The following TP73 variants were observed in gnomAD, a reference collection of about 807,000 sequenced individuals.
The protein encoded by TP73 is tumor protein p73.
Under a neutral mutation model 62.5 loss-of-function variants are expected in TP73, and 25 were observed. That is an observed-to-expected ratio of 0.40 (90% CI 0.29 to 0.56). TP73 has a LOEUF of 0.56. Ranked by LOEUF, TP73 falls within the 20% of genes least tolerant of loss-of-function variation. The pLI, the probability that TP73 is intolerant of heterozygous loss-of-function variation, is 0.46. For missense variants in TP73, 754 were observed against 913.3 expected (o/e 0.83, Z 2.25); for synonymous variants, 423 against 377.5 (o/e 1.12, Z -1.40).
chr1:3,698,053 G>A, intron 3 of TP73: 2 of 985,454 alleles, frequency 2.0e-6, no homozygotes, highest in Non-Finnish European at 2.4e-6. Flanking sequence ...ACTAATGTGT[G>A]CTGGAAGGTG....
chr1:3,672,781 C>T lies in TP73; in HGVS notation c.-33-9552C>T, dbSNP rs1002209538. Among the ~76,000 whole-genome samples the T allele has an allele frequency of 1.3e-5, 2 of 152,210 alleles. No homozygotes were observed. Among genetic ancestry groups the T allele is most frequent in the African/African-American group, 4.8e-5 (2 of 41,450 alleles). On this transcript the variant is annotated intron_variant, in intron 1 of 13. Transcript: ENST00000378295. The surrounding 1 kb of genome is among the most constrained non-coding windows in gnomAD (Gnocchi z 5.3). ...GCCCCAGTTCCCTGACAGGGCCCCA[C>T]TTCCCTCCTGCCGCCAACCTCGTCC...
chr1:3,697,547 C>T (rs1263251297), intron 3 of TP73, among the ~76,000 whole-genome samples: 1 of 152,244 alleles, frequency 6.6e-6, no homozygotes, highest in Non-Finnish European at 1.5e-5. Context: ...TTTCTGAGAC[C>T]ACTTTTGATC....
At chr1:3,727,396 C>T in intron 7 of TP73, 172 bp downstream of exon 7, 3 of 916,780 alleles carry the variant, frequency 3.3e-6, no homozygotes, top group East Asian at 2.7e-5. Context: ...TGCCTGGGCA[C>T]AAGCTGGGCC....
rs192992824 is a variant in TP73 at position 3,721,696 on chromosome 1, C to T, written c.430-325C>T. On this transcript the variant is annotated intron_variant, in intron 4 of 13. Coordinates refer to ENST00000378295, the MANE Select transcript of TP73 (RefSeq NM_005427.4). Reference sequence around the variant, plus strand: ...TCCCGCCCTCACTCTCCAGCAGCCCCTTCTTGCTCTCCTGGCCTTTCTTGT... The same window carrying T: ...TCCCGCCCTCACTCTCCAGCAGCCCTTTCTTGCTCTCCTGGCCTTTCTTGT... 1.5e-3 allele frequency among the ~76,000 whole-genome samples: 223 copies of T among 152,352 alleles called. 2 individuals carry two copies. Among genetic ancestry groups the T allele is most frequent in the African/African-American group, 5.1e-3 (212 of 41,580 alleles).
At position 3,688,400 on chromosome 1, in the gene TP73, C is replaced by T. The variant is rs1885873; in HGVS notation, c.186+5220C>T. Among the ~76,000 whole-genome samples, 339 of 152,300 alleles carry T rather than the reference C, an allele frequency of 2.2e-3. 1 individual carries two copies. The highest frequency in any genetic ancestry group is 6.8e-3 in the Middle Eastern group (2 of 294). On this transcript the variant is annotated intron_variant, in intron 3 of 13. Transcript: ENST00000378295. ...CTGACACATCACTGGCACCAGGAAACGAAGTCCCCCTGTCTGTTCTGGCAC... is the reference window on the plus strand; with the variant it reads ...CTGACACATCACTGGCACCAGGAAATGAAGTCCCCCTGTCTGTTCTGGCAC...
intron 4 of TP73, among the ~76,000 whole-genome samples, chr1:3,718,938 C>G (rs1570590757): frequency 1.3e-5 from 2 of 152,276 alleles, no homozygotes; most frequent in South Asian, 4.1e-4. Flanking sequence ...CCACTAACAC[C>G]TGCAGGCCAC....
In TP73 at chr1:3,689,640, C is replaced by T. The variant is rs573899986; in HGVS notation, c.186+6460C>T. On this transcript the variant is annotated intron_variant, in intron 3 of 13. Coordinates refer to ENST00000378295, the MANE Select transcript of TP73 (RefSeq NM_005427.4). ...GGCCCCTGCCGGCTCTCGGTGGGGA[C>T]GACAGGGAGGAAGGAAGCTGGGGAG... Among the ~76,000 whole-genome samples, 4 of 152,024 alleles carry T rather than the reference C, an allele frequency of 2.6e-5. No homozygotes were observed. In the East Asian group the frequency reaches 5.8e-4, roughly 22 times the overall value.
In TP73 at chr1:3,652,537, A is replaced by T. The variant is rs1176408442; in HGVS notation, c.-138A>T. On this transcript the variant is annotated 5_prime_UTR_variant, in exon 1 of 14. Transcript: ENST00000378295. ...GCCCGCCCTGCCTCCCCGCCCGCGCACCCGCCCGGAGGCTCGCGCGCCCGC... is the reference window on the plus strand; with the variant it reads ...GCCCGCCCTGCCTCCCCGCCCGCGCTCCCGCCCGGAGGCTCGCGCGCCCGC... 2.0e-5 allele frequency: 3 copies of T among 150,974 alleles called. No homozygotes were observed. Among genetic ancestry groups the T allele is most frequent in the Admixed American group, 6.6e-5 (1 of 15,226 alleles). The allele number at this position is 150,974 out of a possible 1,614,324, so 9.4% of individuals were successfully genotyped here. A position where few individuals can be genotyped will look rare whatever the true frequency, so the allele number is the denominator to read the frequency against.
chr1:3,706,793 A>AG, intron 3 of TP73, among the ~76,000 whole-genome samples: 1 of 152,222 alleles, frequency 6.6e-6, no homozygotes. Flanking sequence ...ACACACCCAC[A>AG]GGGGTTCCTG....
At position 3,728,209 on chromosome 1, in the gene TP73, T is replaced by C. The variant is rs1641837711; in HGVS notation, c.1066T>C (p.Tyr356His). ...KRRHGDEDTY[Y>H]LQVRGRENFE... The stretch of plus-strand genomic sequence containing the variant: ...GCGGCATGGAGACGAGGACACGTAC[T>C]ACCTTCAGGTGAGTGTGTGCTCCTG... Residue 356 changes from tyrosine (Y) to histidine (H), a missense_variant, in exon 9 of 14, where the codon TAC becomes CAC. By Grantham distance (83) the Tyr-to-His change is moderately conservative. Transcript: ENST00000378295. 1.2e-6 allele frequency: 2 copies of C among 1,611,522 alleles called. No homozygotes were observed. Among genetic ancestry groups the C allele is most frequent in the African/African-American group, 1.3e-5 (1 of 74,952 alleles).
chr1:3,723,621 A>C lies in TP73; in HGVS notation c.732+152A>C, dbSNP rs543884119. The C allele has an allele frequency of 6.1e-6, 4 of 656,636 alleles. No individual in the cohort carries two copies. The South Asian group carries it at 7.1e-5, about 12-fold the overall frequency. 40.7% of individuals were successfully genotyped at this position (656,636 alleles called of 1,614,324 possible). On this transcript the variant is annotated intron_variant, in intron 6 of 13. Transcript: ENST00000378295. ...GTCCAGGGCTCCCTGCTCTGTGATA[A>C]GTCTGTGTCGGCGGCTCCTTCCTCA...
intron 3 of TP73, among the ~76,000 whole-genome samples, chr1:3,700,437 G>A (rs1011458769): frequency 5.3e-5 from 8 of 150,464 alleles, no homozygotes; most frequent in South Asian, 2.1e-4. Flanking sequence ...TGTGGATACC[G>A]GGAAGCGAGA....
intron 3 of TP73, among the ~76,000 whole-genome samples, chr1:3,695,231 C>T (rs571446776): frequency 2.6e-5 from 4 of 152,338 alleles, no homozygotes; most frequent in East Asian, 1.9e-4. Context: ...GCGCTGGAGA[C>T]GTCGGAGCTG....
intron 3 of TP73, among the ~76,000 whole-genome samples, chr1:3,688,579 A>G (rs981093638): frequency 5.9e-5 from 9 of 152,148 alleles, no homozygotes; most frequent in African/African-American, 2.2e-4. Flanking sequence ...CCCAGCAGGG[A>G]GGGAACCTGG....
At chr1:3,659,871 G>T (rs1644953883) in intron 1 of TP73, among the ~76,000 whole-genome samples, 1 of 151,992 alleles carries the variant, frequency 6.6e-6, no homozygotes, top group Admixed American at 6.6e-5. Context: ...GTAGAGACAG[G>T]GTTTTGCCAT....
At chr1:3,656,189 A>T (rs982947898) in intron 1 of TP73, among the ~76,000 whole-genome samples, 11 of 152,286 alleles carry the variant, frequency 7.2e-5, no homozygotes, top group Non-Finnish European at 1.5e-4. Flanking sequence ...AAAAAAAAAA[A>T]AAATCCCTCT....
Position 3,733,997 on chromosome 1 carries a change from GAA to G in TP73, c.*919_*920del, listed in dbSNP as rs1425659356. The G allele has an allele frequency of 6.6e-6, 1 of 151,576 alleles. No homozygotes were observed. Among genetic ancestry groups the G allele is most frequent in the African/African-American group, 2.4e-5 (1 of 41,194 alleles). 9.4% of individuals were successfully genotyped at this position (151,576 alleles called of 1,614,324 possible). A position where few individuals can be genotyped will look rare whatever the true frequency, so the allele number is the denominator to read the frequency against. ...CCTAGCGCCCATGAGCCAGGCTGAG[GAA>G]GCTGAGTGAGAAGCCAGGTGGGCGG... On this transcript the variant is annotated 3_prime_UTR_variant, in exon 14 of 14. Transcript: ENST00000378295.
intron 3 of TP73, chr1:3,690,722 A>G: frequency 7.0e-7 from 1 of 1,432,722 alleles, no homozygotes; most frequent in East Asian, 2.5e-5. Context: ...CGAAAATGCC[A>G]ACAAACGGCC....
intron 3 of TP73, among the ~76,000 whole-genome samples, chr1:3,687,595 C>T (rs1645694564): frequency 6.6e-6 from 1 of 152,200 alleles, no homozygotes; most frequent in Non-Finnish European, 1.5e-5. Flanking sequence ...CCCTTGCTGG[C>T]TCTCAGGATG....
Sources: gnomAD v4.1 joint callset for allele counts (sites outside exome capture counted in the v4.1 genomes callset) on GRCh38, gnomAD v4.1.1 for gene constraint, Gnocchi (gnomAD v3.1) non-coding constraint, MANE v1.5 for transcripts, NCBI Gene and HGNC (gene_info 2026-07-23, HGNC 2026-07-21) for gene names.